Variants in RHOT1 observed in about 807,000 individuals in gnomAD.
RHOT1 encodes the protein ras homolog family member T1, also known as mitochondrial Rho GTPase 1.
RHOT1 carries 27 observed loss-of-function variants against 95.3 expected under a neutral mutation model. That is an observed-to-expected ratio of 0.28 (90% CI 0.21 to 0.39). The LOEUF (loss-of-function observed/expected upper bound fraction) is 0.39. Among genes scored for constraint, RHOT1 ranks in the 10% least tolerant of loss-of-function variants. The pLI, the probability that RHOT1 is intolerant of heterozygous loss-of-function variation, is 1.00. For synonymous variants in RHOT1, 227 were observed against 263.5 expected (o/e 0.86, Z 1.34); for missense variants, 578 against 786.7 (o/e 0.73, Z 3.17).
chr17:32,189,734 TTC>T (rs2036333327), intron 8 of RHOT1, among the ~76,000 whole-genome samples: 1 of 139,828 alleles, frequency 7.2e-6, no homozygotes, highest in Non-Finnish European at 1.5e-5. Context: ...TTCTTTTCTT[TTC>T]TTTTTTTTTT....
chr17:32,175,233 G>C, intron 3 of RHOT1, 86 bp from the exon 4 acceptor site: 1 of 1,104,140 alleles, frequency 9.1e-7, no homozygotes, highest in Non-Finnish European at 1.4e-6. Flanking sequence ...AGGGATGTTA[G>C]ATGAGTGTTG....
intron 14 of RHOT1, among the ~76,000 whole-genome samples, chr17:32,201,998 G>A (rs1371150112): frequency 1.3e-5 from 2 of 151,988 alleles, no homozygotes; most frequent in African/African-American, 2.4e-5. Context: ...TGCAACCTCC[G>A]CCTCCTGGGT....
At chr17:32,184,322 T>A (rs566450553) in intron 8 of RHOT1, among the ~76,000 whole-genome samples, 1 of 152,300 alleles carries the variant, frequency 6.6e-6, no homozygotes, top group South Asian at 2.1e-4. Context: ...TTTATATAAA[T>A]GGACTCATAC....
intron 2 of RHOT1, among the ~76,000 whole-genome samples, chr17:32,172,046 C>T (rs2034618162): frequency 6.6e-6 from 1 of 152,286 alleles, no homozygotes; most frequent in African/African-American, 2.4e-5. Flanking sequence ...AAAATGATTT[C>T]AAATTACCCT....
chr17:32,179,863 C>G (rs1257366441), intron 6 of RHOT1: 2 of 138,870 alleles, frequency 1.4e-5, no homozygotes, highest in East Asian at 2.2e-4. Flanking sequence ...CCTGGCTGCC[C>G]CATCTGGGAA....
intron 11 of RHOT1, among the ~76,000 whole-genome samples, chr17:32,195,681 GC>G (rs1487939194): frequency 6.6e-6 from 1 of 152,138 alleles, no homozygotes; most frequent in Admixed American, 6.6e-5. Context: ...AAAGACTGTT[GC>G]TTTTTACTTC....
intron 8 of RHOT1, among the ~76,000 whole-genome samples, chr17:32,191,751 T>C (rs1598403929): frequency 6.6e-6 from 1 of 152,338 alleles, no homozygotes; most frequent in East Asian, 1.9e-4. Flanking sequence ...ATTTCCCAGC[T>C]TTAACATACA....
intron 1 of RHOT1, among the ~76,000 whole-genome samples, chr17:32,149,635 A>ATATATATATATATATGTGTGTGTG (rs1445281403): frequency 1.2e-4 from 7 of 59,100 alleles, no homozygotes; most frequent in Non-Finnish European, 2.4e-4. Context: ...ATATATATAT[A>ATATATATATATATATGTGTGTGTG]TGTGTGTGTG....
In RHOT1 at chr17:32,203,945, A is replaced by G; in HGVS notation, c.1388A>G (p.Tyr463Cys). 1 of 1,611,790 alleles carries G rather than the reference A, an allele frequency of 6.2e-7. No individual in the cohort carries two copies. Among genetic ancestry groups the G allele is most frequent in the Non-Finnish European group, 8.5e-7 (1 of 1,178,646 alleles). The change falls in exon 16 of 20, where the codon TAT becomes TGT. Residue 463 changes from tyrosine to cysteine, a missense_variant. This residue lies in a region of RHOT1 where 296 missense variants were observed against 338.5 expected (regional missense o/e 0.87). Transcript: ENST00000545287. ...TCCTACTATGCGATTAACACTGTTT[A>G]TGTATATGGACAAGAGAAATACTTG... ...HKSYYAINTV[Y>C]VYGQEKYLLL...
intron 11 of RHOT1, among the ~76,000 whole-genome samples, chr17:32,196,654 T>C (rs2036913042): frequency 6.6e-6 from 1 of 152,148 alleles, no homozygotes; most frequent in Admixed American, 6.5e-5. Context: ...TTTTCACCTC[T>C]CTCCCTCTCG....
chr17:32,163,803 T>C (rs1049164475), intron 1 of RHOT1, among the ~76,000 whole-genome samples: 2 of 151,898 alleles, frequency 1.3e-5, no homozygotes, highest in Non-Finnish European at 2.9e-5. Flanking sequence ...TCTGTTACAA[T>C]GTAATGTAAA....
At position 32,192,309 on chromosome 17, in the gene RHOT1, CT is replaced by C; in HGVS notation, c.639+13del. 7.7e-7 allele frequency: 1 copy of C among 1,304,368 alleles called. No homozygotes were observed. Among genetic ancestry groups the C allele is most frequent in the Non-Finnish European group, 1.1e-6 (1 of 935,714 alleles). 80.8% of individuals were successfully genotyped at this position (1,304,368 alleles called of 1,614,324 possible). On this transcript the variant is annotated intron_variant, in intron 9 of 19. Coordinates refer to ENST00000545287, the MANE Select transcript of RHOT1 (RefSeq NM_001033566.3). ...ACTCAACTTCTTTCAGGTAATGGTC[CT>C]TTATTTCAGACATTTGCGTATCTTT...
At chr17:32,150,714 G>C in intron 1 of RHOT1, 1 of 1,603,938 alleles carries the variant, frequency 6.2e-7, no homozygotes, top group East Asian at 2.2e-5. Flanking sequence ...AGGCATCAGA[G>C]TACAAAGCAG....
chr17:32,159,141 C>T (rs745741058), intron 1 of RHOT1, among the ~76,000 whole-genome samples: 3 of 152,166 alleles, frequency 2.0e-5, no homozygotes, highest in Admixed American at 1.3e-4. Flanking sequence ...AGCTGGGACT[C>T]GTGGGGCCAG....
intron 16 of RHOT1, among the ~76,000 whole-genome samples, 166 bp from the exon 17 acceptor site, chr17:32,206,744 C>T (rs1018661079): frequency 3.9e-5 from 6 of 152,062 alleles, no homozygotes; most frequent in Non-Finnish European, 8.8e-5. Context: ...TGAGCCACCG[C>T]GCCCAGCCTT....
rs1212796456 is a variant in RHOT1, at chr17:32,174,578, G to T, written c.178+666G>T. On this transcript the variant is annotated intron_variant, in intron 3 of 19. Transcript: ENST00000545287. ...CCATTGATTACTTAACATATGGAAA[G>T]ATATTAAAAATATGGCCTGTTATTT... 2.6e-5 allele frequency among the ~76,000 whole-genome samples: 4 copies of T among 152,180 alleles called. No homozygotes were observed. In the East Asian group the frequency reaches 5.8e-4, roughly 22 times the overall value.
At position 32,155,973 on chromosome 17, in the gene RHOT1, A is replaced by G. The variant is rs192655462; in HGVS notation, c.37+13244A>G. 1.1e-4 allele frequency among the ~76,000 whole-genome samples: 17 copies of G among 152,312 alleles called. No homozygotes were observed. The East Asian group carries it at 3.1e-3, about 28-fold the overall frequency. On this transcript the variant is annotated intron_variant, in intron 1 of 19. Transcript: ENST00000545287. ...TCTGGAATCAGGATGTACTACTATG[A>G]ATGTTGACAGGAATACTACCTTGAG...
At chr17:32,206,786 A>G in intron 16 of RHOT1, 124 bp from the exon 17 acceptor site, 1 of 737,592 alleles carries the variant, frequency 1.4e-6, no homozygotes. Context: ...AACTGGCCTG[A>G]AAAGTTATGC....
intron 1 of RHOT1, among the ~76,000 whole-genome samples, chr17:32,152,260 G>C (rs558908125): frequency 6.6e-6 from 1 of 152,306 alleles, no homozygotes; most frequent in African/African-American, 2.4e-5. Context: ...TGCCCTGCTG[G>C]AATAGACCTG....
Sources: allele counts gnomAD v4.1 joint callset (sites outside exome capture counted in the v4.1 genomes callset), GRCh38; gene constraint gnomAD v4.1.1; regional missense constraint gnomAD v4.1.1; transcripts MANE v1.5; gene names NCBI Gene and HGNC (gene_info 2026-07-23, HGNC 2026-07-21).